MAEA: variants seen among roughly 807,000 people sequenced by gnomAD.
The protein encoded by MAEA is macrophage erythroblast attacher, E3 ubiquitin ligase, also known as E3 ubiquitin-protein transferase MAEA.
In MAEA, 22 loss-of-function variants were observed where a neutral mutation model predicts 46.2. The observed-to-expected ratio is 0.48, with a 90% CI of 0.34 to 0.68. The LOEUF is 0.68. MAEA is among the 30% of genes least tolerant of loss of function. MAEA has a pLI of 0.01. For missense variants in MAEA, 393 were observed against 558.1 expected, an observed-to-expected ratio of 0.70 and a Z score of 2.98; for synonymous variants, 246 against 222.6, an observed-to-expected ratio of 1.11 and a Z score of -0.94.
intron 2 of MAEA, among the ~76,000 whole-genome samples, chr4:1,313,772 A>G (rs906630151): frequency 6.6e-5 from 10 of 151,762 alleles, no homozygotes; most frequent in Non-Finnish European, 1.0e-4. Context: ...ATAAAAAGTG[A>G]TTTAAGGCTG....
At chr4:1,314,102 C>T (rs1451415026) in intron 2 of MAEA, among the ~76,000 whole-genome samples, 4 of 151,980 alleles carry the variant, frequency 2.6e-5, no homozygotes, top group Admixed American at 6.6e-5. Context: ...CCAAGGCAGG[C>T]GGATCACCTG....
chr4:1,303,478 T>C (rs1735533386), intron 1 of MAEA, among the ~76,000 whole-genome samples: 2 of 151,454 alleles, frequency 1.3e-5, no homozygotes, highest in South Asian at 4.2e-4. Flanking sequence ...CAAATAGGTA[T>C]ACGAATACCA....
At chr4:1,318,559 C>T (rs1737614107) in intron 3 of MAEA, among the ~76,000 whole-genome samples, 1 of 152,046 alleles carries the variant, frequency 6.6e-6, no homozygotes. Flanking sequence ...GTGTGGAGCC[C>T]ATGAGGACTG....
chr4:1,334,206 C>T (rs948689809), intron 6 of MAEA, among the ~76,000 whole-genome samples: 2 of 147,140 alleles, frequency 1.4e-5, no homozygotes, highest in Admixed American at 1.4e-4. Flanking sequence ...AGTTTCAGTT[C>T]CTGGAAAAGG....
At chr4:1,322,329 T>G in intron 3 of MAEA, 52 bp from the exon 4 acceptor site, 1 of 1,600,244 alleles carries the variant, frequency 6.2e-7, no homozygotes, top group Non-Finnish European at 8.5e-7. Context: ...GAGGGTGGCA[T>G]GGGGGCCTTG....
chr4:1,309,871 G>A, intron 1 of MAEA: 13 of 1,309,904 alleles, frequency 9.9e-6, no homozygotes, highest in East Asian at 2.8e-5. Context: ...CAGCACCGCG[G>A]TGAGGCGGAC....
chr4:1,329,535 T>C (rs944430815), intron 5 of MAEA: 3 of 984,682 alleles, frequency 3.0e-6, no homozygotes, highest in Admixed American at 6.2e-5. Context: ...CGGGCAGGCA[T>C]GGCAAACAAC....
intron 1 of MAEA, among the ~76,000 whole-genome samples, chr4:1,294,266 G>T (rs528118640): frequency 1.5e-4 from 23 of 152,188 alleles, no homozygotes; most frequent in African/African-American, 5.5e-4. Context: ...GCCCTGGGCT[G>T]GCTTCCGCGG....
chr4:1,294,942 A>G (rs937639411), intron 1 of MAEA, among the ~76,000 whole-genome samples: 3 of 152,034 alleles, frequency 2.0e-5, no homozygotes, highest in South Asian at 4.2e-4. Flanking sequence ...GCCGGCTCTC[A>G]CCCCAGTAGG....
At chr4:1,316,140 G>A (rs1036171577) in intron 3 of MAEA, among the ~76,000 whole-genome samples, 8 of 152,076 alleles carry the variant, frequency 5.3e-5, no homozygotes, top group East Asian at 1.9e-4. Flanking sequence ...TTGCTTCCTC[G>A]TGAGAGCTTT....
chr4:1,299,317 C>T (rs1285716914), intron 1 of MAEA, among the ~76,000 whole-genome samples: 1 of 152,180 alleles, frequency 6.6e-6, no homozygotes, highest in Admixed American at 6.5e-5. Context: ...GCCTTGATGC[C>T]TCTGTTGTCA....
chr4:1,305,907 C>T (rs1469385606), intron 1 of MAEA, among the ~76,000 whole-genome samples: 1 of 152,204 alleles, frequency 6.6e-6, no homozygotes, highest in Non-Finnish European at 1.5e-5. Context: ...CTGACAGTAG[C>T]AGTTTTAACC....
At chr4:1,304,574 G>C (rs576787678) in intron 1 of MAEA, among the ~76,000 whole-genome samples, 1 of 152,218 alleles carries the variant, frequency 6.6e-6, no homozygotes, top group South Asian at 2.1e-4. Flanking sequence ...CCGAGTAGTT[G>C]GGACTACAGG....
chr4:1,330,570 C>A (rs1325618901), intron 5 of MAEA: 2 of 141,804 alleles, frequency 1.4e-5, no homozygotes, highest in Non-Finnish European at 3.1e-5. Context: ...CCACCTTGGC[C>A]TCCCAAAGTG....
At chr4:1,329,669 G>C (rs1739291419) in intron 5 of MAEA, 1 of 985,468 alleles carries the variant, frequency 1.0e-6, no homozygotes, top group Admixed American at 6.1e-5. Context: ...CGTGGCCCTG[G>C]AGCCACCCAC....
rs376745931 is a variant in MAEA at position 1,315,615 on chromosome 4, G to A, written c.456+15G>A. 1 of 1,611,812 alleles carries A rather than the reference G, an allele frequency of 6.2e-7. No homozygotes were observed. On this transcript the variant is annotated intron_variant, in intron 3 of 8. Transcript: ENST00000303400. ...GCGGCATCGAGGTGGGTGCCCGCCAGACGCAGGCACAGCGCCCCAGCTGGC... is the reference window on the plus strand; with the variant it reads ...GCGGCATCGAGGTGGGTGCCCGCCAAACGCAGGCACAGCGCCCCAGCTGGC...
chr4:1,293,934 A>T (rs922459120), intron 1 of MAEA, among the ~76,000 whole-genome samples: 1 of 151,892 alleles, frequency 6.6e-6, no homozygotes, highest in African/African-American at 2.4e-5. Flanking sequence ...AGTTTTCTTC[A>T]CTCCATCTTG....
rs1712846714 is a variant in MAEA at position 1,336,955 on chromosome 4, C to T, written c.860C>T (p.Thr287Ile). ...CAGCTGGGAAACAATTCTGTGTTCA[C>T]CCTCACCCTGCAGGCTGGCCTCTCA... The part of the protein sequence containing the change: ...LHQLGNNSVF[T>I]LTLQAGLSAI... Residue 287 changes from threonine (T) to isoleucine (I), a missense_variant, in exon 7 of 9, where the codon ACC (threonine) becomes ATC (isoleucine). Physicochemically the swap from Thr to Ile is moderately conservative, Grantham distance 89 (BLOSUM62 -1). Coordinates refer to ENST00000303400, the MANE Select transcript of MAEA (RefSeq NM_001017405.3). 1 of 1,613,950 alleles carries T rather than the reference C, an allele frequency of 6.2e-7. No homozygotes were observed. The highest frequency in any genetic ancestry group is 1.3e-5 in the African/African-American group (1 of 74,928).
In MAEA at chr4:1,311,672, T is replaced by A. The variant is rs1352736233; in HGVS notation, c.70-307T>A. 2.6e-5 allele frequency among the ~76,000 whole-genome samples: 4 copies of A among 152,206 alleles called. No individual in the cohort carries two copies. Among genetic ancestry groups the A allele is most frequent in the Non-Finnish European group, 5.9e-5 (4 of 68,042 alleles). On this transcript the variant is annotated intron_variant, in intron 1 of 8. Coordinates refer to ENST00000303400, the MANE Select transcript of MAEA (RefSeq NM_001017405.3). This position sits in a 1 kb window ranked among gnomAD's most constrained non-coding sequence, Gnocchi z 4.4. ...CCTCACACCCCGGTCACTCCTCTCC[T>A]GTTTGGAAATTTCTTTAACTGTTCG... is the stretch of plus-strand genomic sequence containing the variant.
Sources: allele counts gnomAD v4.1 joint callset (sites outside exome capture counted in the v4.1 genomes callset), GRCh38; gene constraint gnomAD v4.1.1; non-coding constraint Gnocchi (gnomAD v3.1); transcripts MANE v1.5; gene names NCBI Gene and HGNC (gene_info 2026-07-23, HGNC 2026-07-21).